MAN2A1: variants seen among roughly 807,000 people sequenced by gnomAD.
The protein encoded by MAN2A1 is mannosidase alpha class 2A member 1.
A neutral mutation model predicts 142.6 loss-of-function variants in MAN2A1; 76 were observed. The ratio of observed to expected loss-of-function variants is 0.53; its 90% CI spans 0.44 to 0.65. The LOEUF (loss-of-function observed/expected upper bound fraction) is 0.65, where lower values mean the gene tolerates loss of function less well. Ranked by LOEUF, MAN2A1 falls within the 30% of genes least tolerant of loss-of-function variation. The pLI is 0.00. For missense variants in MAN2A1, 1,311 were observed against 1,365.1 expected (o/e 0.96, Z 0.62); for synonymous variants, 559 against 473.2 (o/e 1.18, Z -2.35).
chr5:109,845,315 ATC>A, intron 17 of MAN2A1, among the ~76,000 whole-genome samples: 1 of 152,208 alleles, frequency 6.6e-6, no homozygotes, highest in Admixed American at 6.5e-5. Context: ...ATTTGGAACT[ATC>A]TACATTGAAA....
intron 5 of MAN2A1, among the ~76,000 whole-genome samples, chr5:109,759,343 C>T (rs1752774677): frequency 6.6e-6 from 1 of 152,016 alleles, no homozygotes; most frequent in Non-Finnish European, 1.5e-5. Context: ...GGATTGTTTT[C>T]TTAATTTCAT....
intron 12 of MAN2A1, among the ~76,000 whole-genome samples, chr5:109,811,996 C>T (rs1754331787): frequency 6.6e-6 from 1 of 152,020 alleles, no homozygotes; most frequent in Non-Finnish European, 1.5e-5. Flanking sequence ...GCTCATTGAC[C>T]TGGGTTTGTT....
At chr5:109,693,061 T>C (rs1750717576) in intron 1 of MAN2A1, among the ~76,000 whole-genome samples, 1 of 152,144 alleles carries the variant, frequency 6.6e-6, no homozygotes, top group South Asian at 2.1e-4. Flanking sequence ...GGCCCTGGGG[T>C]TGGTTGCCCC....
chr5:109,728,061 A>G (rs949300900), intron 3 of MAN2A1, among the ~76,000 whole-genome samples: 4 of 152,202 alleles, frequency 2.6e-5, no homozygotes, highest in South Asian at 2.1e-4. Flanking sequence ...ATTTGACATT[A>G]TATTTCTATT....
chr5:109,801,176 C>A (rs1325752463), intron 12 of MAN2A1, among the ~76,000 whole-genome samples: 1 of 152,128 alleles, frequency 6.6e-6, no homozygotes, highest in African/African-American at 2.4e-5. Flanking sequence ...ATGATGGGTT[C>A]CATGGTGCCG....
intron 4 of MAN2A1, among the ~76,000 whole-genome samples, chr5:109,750,120 T>C (rs1582857117): frequency 1.3e-5 from 2 of 152,186 alleles, no homozygotes; most frequent in South Asian, 2.1e-4. Context: ...TAAATGATGA[T>C]GGTTATTGCT....
intron 12 of MAN2A1, among the ~76,000 whole-genome samples, chr5:109,816,406 T>C (rs1754462494): frequency 6.6e-6 from 1 of 152,230 alleles, no homozygotes; most frequent in South Asian, 2.1e-4. Flanking sequence ...TTTAATAGTT[T>C]GCATTTTCCT....
chr5:109,738,347 G>A (rs1752168108), intron 4 of MAN2A1, among the ~76,000 whole-genome samples: 2 of 151,804 alleles, frequency 1.3e-5, no homozygotes, highest in South Asian at 2.1e-4. Context: ...GGACTGCAAG[G>A]TGGGCACTCC....
rs376442912 is a variant in MAN2A1 at position 109,833,628 on chromosome 5, C to T, written c.2567-8700C>T. 3.0e-4 allele frequency among the ~76,000 whole-genome samples: 43 copies of T among 143,306 alleles called. 1 individual carries two copies. In the East Asian group the frequency reaches 5.2e-3, roughly 17 times the overall value. The allele number at this position is 143,306 out of a possible 152,430, so 94.0% of individuals were successfully genotyped here. A position where few individuals can be genotyped will look rare whatever the true frequency, so the allele number is the denominator to read the frequency against. On this transcript the variant is annotated intron_variant, in intron 16 of 21. Transcript: ENST00000261483. ...GAGCCGAGATGGCAGCACTACAGTC[C>T]GGCCTCTGCTCGGCATCAGAGGGAG...
At chr5:109,839,523 A>G (rs62378793) in intron 16 of MAN2A1, among the ~76,000 whole-genome samples, 1 of 148,450 alleles carries the variant, frequency 6.7e-6, no homozygotes, top group Non-Finnish European at 1.5e-5. Context: ...AAAAAAAAAA[A>G]GGCATTAGCT....
At chr5:109,775,783 G>C (rs914387611) in intron 8 of MAN2A1, among the ~76,000 whole-genome samples, 3 of 152,016 alleles carry the variant, frequency 2.0e-5, no homozygotes, top group Admixed American at 6.6e-5. Flanking sequence ...ATAATTTCAT[G>C]ATACATATCT....
intron 8 of MAN2A1, among the ~76,000 whole-genome samples, chr5:109,775,406 C>G (rs1582884944): frequency 6.6e-6 from 1 of 151,904 alleles, no homozygotes; most frequent in Admixed American, 6.6e-5. Context: ...TGTCCTATGT[C>G]CAGAGAATAC....
intron 1 of MAN2A1, among the ~76,000 whole-genome samples, chr5:109,691,536 A>G (rs1750672636): frequency 6.6e-6 from 1 of 151,984 alleles, no homozygotes; most frequent in Non-Finnish European, 1.5e-5. Flanking sequence ...GTTGATATAT[A>G]TTTTTTTCTC....
chr5:109,693,695 C>T (rs1750736097), intron 1 of MAN2A1, among the ~76,000 whole-genome samples: 1 of 152,014 alleles, frequency 6.6e-6, no homozygotes. Context: ...GCTCCAGTTT[C>T]TCTCACCCCG....
At chr5:109,791,343 A>C (rs1753732367) in intron 12 of MAN2A1, among the ~76,000 whole-genome samples, 1 of 152,038 alleles carries the variant, frequency 6.6e-6, no homozygotes, top group Admixed American at 6.6e-5. Flanking sequence ...TTAGCTGCAA[A>C]TTATTTTAGT....
rs1392114408 is a variant in MAN2A1 at position 109,767,617 on chromosome 5, T to C, written c.918T>C (p.Leu306=). 6.2e-7 allele frequency: 1 copy of C among 1,613,660 alleles called. No individual in the cohort carries two copies. Among genetic ancestry groups the C allele is most frequent in the Non-Finnish European group, 8.5e-7 (1 of 1,179,734 alleles). The change falls in exon 6 of 22, where the codon CTT becomes CTC. Residue 306 remains leucine, a synonymous_variant. Coordinates refer to ENST00000261483, the MANE Select transcript of MAN2A1 (RefSeq NM_002372.4). Reference sequence around the variant, plus strand: ...CTTATCTTCTAAACCGTGCTGGACTTTCTCACATGCTTATCCAGAGAGTTC... The same window carrying C: ...CTTATCTTCTAAACCGTGCTGGACTCTCTCACATGCTTATCCAGAGAGTTC... ...TMAYLLNRAG[L]SHMLIQRVHY...
chr5:109,807,508 A>G (rs1379485765), intron 12 of MAN2A1, among the ~76,000 whole-genome samples: 1 of 152,092 alleles, frequency 6.6e-6, no homozygotes, highest in Non-Finnish European at 1.5e-5. Flanking sequence ...GGGGAGAATC[A>G]TTTCTTTGCC....
rs3186988 is a variant in MAN2A1, at chr5:109,845,981, A to T, written c.2817A>T (p.Ser939=). 0.63 allele frequency: 1,011,360 copies of T among 1,612,186 alleles called. 322,059 individuals are homozygous for T. The highest frequency in any genetic ancestry group is 0.89 in the East Asian group (40,079 of 44,790). ...KHRLTLLSAQ[S]LGVSSLNSGQ... Reference sequence around the variant, plus strand: ...GTTTGACACTGCTCTCTGCTCAGTCATTAGGGGTTTCGAGTTTGAATAGTG... The same window carrying T: ...GTTTGACACTGCTCTCTGCTCAGTCTTTAGGGGTTTCGAGTTTGAATAGTG... The change falls in exon 18 of 22, where the codon TCA becomes TCT. Residue 939 remains serine (S), a synonymous_variant. Coordinates refer to ENST00000261483, the MANE Select transcript of MAN2A1 (RefSeq NM_002372.4).
chr5:109,712,402 A>G (rs1233192205), intron 1 of MAN2A1, among the ~76,000 whole-genome samples: 2 of 152,142 alleles, frequency 1.3e-5, no homozygotes, highest in Non-Finnish European at 2.9e-5. Flanking sequence ...TTACATTTCT[A>G]TTTTAAAACA....
Sources: allele counts gnomAD v4.1 joint callset (sites outside exome capture counted in the v4.1 genomes callset), GRCh38; gene constraint gnomAD v4.1.1; transcripts MANE v1.5; gene names NCBI Gene and HGNC (gene_info 2026-07-23, HGNC 2026-07-21).